Variants in FAM149B1 observed in about 807,000 individuals in gnomAD.
The protein encoded by FAM149B1 is family with sequence similarity 149 member B1, also known as primary cilium assembly protein FAM149B1.
FAM149B1 carries 56 observed loss-of-function variants against 75.3 expected under a neutral mutation model. The ratio of observed to expected loss-of-function variants is 0.74; its 90% CI spans 0.60 to 0.93. The LOEUF is 0.93. Among genes scored for constraint, FAM149B1 ranks in the 40% least tolerant of loss-of-function variants. The probability of loss-of-function intolerance (pLI) is 0.00; values close to 1 mark genes in which losing one functional copy is unlikely to be tolerated. For missense variants in FAM149B1, 639 were observed against 708.4 expected (o/e 0.90, Z 1.11); for synonymous variants, 259 against 256.1 (o/e 1.01, Z -0.11).
At chr10:73,169,962 A>T (rs1304741231) in intron 1 of FAM149B1, among the ~76,000 whole-genome samples, 1 of 151,758 alleles carries the variant, frequency 6.6e-6, no homozygotes, top group South Asian at 2.1e-4. Flanking sequence ...TATTAATTAA[A>T]TATTAACTTT....
At chr10:73,192,126 C>G (rs1296320725) in intron 3 of FAM149B1, 2 of 158,420 alleles carry the variant, frequency 1.3e-5, no homozygotes, top group African/African-American at 4.8e-5. Context: ...TCTTGAACTC[C>G]TGGCCTCAAG....
At chr10:73,210,823 CAAAAAAGAAGAAAA>C (rs1348726777) in intron 7 of FAM149B1, among the ~76,000 whole-genome samples, 1 of 148,874 alleles carries the variant, frequency 6.7e-6, no homozygotes. Flanking sequence ...GACTCTGTCT[CAAAAAAGAAGAAAA>C]AAAAAAGTGG....
Position 73,240,987 on chromosome 10 carries a change from A to C in FAM149B1, c.1717A>C (p.Arg573=). Reference sequence around the variant, plus strand: ...GTCTACAAAATCTCAAAGCGGAGGCAGACCAGTCTCTCGAACCAGGCAGGG... The same window carrying C: ...GTCTACAAAATCTCAAAGCGGAGGCCGACCAGTCTCTCGAACCAGGCAGGG... The part of the protein sequence containing the change: ...HGSTKSQSGG[R]PVSRTRQGP Residue 573 remains arginine (R), a synonymous_variant, in exon 14 of 14, where the codon AGA becomes CGA. Coordinates refer to ENST00000242505, the MANE Select transcript of FAM149B1 (RefSeq NM_173348.2). The C allele has an allele frequency of 6.6e-7, 1 of 1,522,956 alleles. No homozygotes were observed. Among genetic ancestry groups the C allele is most frequent in the Middle Eastern group, 1.7e-4 (1 of 5,922 alleles). The allele number at this position is 1,522,956 out of a possible 1,614,324, so 94.3% of individuals were successfully genotyped here. A position where few individuals can be genotyped will look rare whatever the true frequency, so the allele number is the denominator to read the frequency against.
intron 5 of FAM149B1, among the ~76,000 whole-genome samples, chr10:73,205,564 GT>G (rs1287572655): frequency 1.3e-5 from 2 of 151,356 alleles, no homozygotes; most frequent in African/African-American, 4.9e-5. Flanking sequence ...GTTTTTTTGG[GT>G]TTTTTTGAGA....
chr10:73,214,319 T>C (rs140825427), intron 7 of FAM149B1, among the ~76,000 whole-genome samples: 4 of 152,320 alleles, frequency 2.6e-5, no homozygotes, highest in African/African-American at 7.2e-5. Flanking sequence ...TTCTTTTGCC[T>C]GATTGCTGTG....
Position 73,192,709 on chromosome 10 carries a change from C to T in FAM149B1, c.425+11C>T. On this transcript the variant is annotated intron_variant, in intron 4 of 13. Coordinates refer to ENST00000242505, the MANE Select transcript of FAM149B1 (RefSeq NM_173348.2). ...CTTTCCTCACCTCAGGTACTGAAGC[C>T]CTCCAGTTGACTTGTATTCATGGCT... is the stretch of plus-strand genomic sequence containing the variant. The T allele has an allele frequency of 6.6e-7, 1 of 1,514,478 alleles. No homozygotes were observed. Among genetic ancestry groups the T allele is most frequent in the Non-Finnish European group, 8.8e-7 (1 of 1,135,002 alleles). 93.8% of individuals were successfully genotyped at this position (1,514,478 alleles called of 1,614,324 possible). A position where few individuals can be genotyped will look rare whatever the true frequency, so the allele number is the denominator to read the frequency against.
rs1485764811 is a variant in FAM149B1, at chr10:73,193,459, T to C, written c.426-18T>C. 1 of 1,543,268 alleles carries C rather than the reference T, an allele frequency of 6.5e-7. No homozygotes were observed. Among genetic ancestry groups the C allele is most frequent in the East Asian group, 2.5e-5 (1 of 40,768 alleles). On this transcript the variant is annotated intron_variant, in intron 4 of 13. Transcript: ENST00000242505. ...CAGTGAAGGTACTTAATTGTGTCTG[T>C]GTTTCTTCATTTTGAAGGATTCTAG...
intron 5 of FAM149B1, among the ~76,000 whole-genome samples, chr10:73,203,584 T>C (rs1017910057): frequency 2.6e-5 from 4 of 152,200 alleles, no homozygotes; most frequent in Non-Finnish European, 1.5e-5. Flanking sequence ...AAATCCTCTA[T>C]TTTGAAACAG....
In FAM149B1 at chr10:73,235,283, T is replaced by C. The variant is rs1426771497; in HGVS notation, c.1567T>C (p.Phe523Leu). 2 of 1,551,798 alleles carry C rather than the reference T, an allele frequency of 1.3e-6. No individual in the cohort carries two copies. Among genetic ancestry groups the C allele is most frequent in the African/African-American group, 2.7e-5 (2 of 73,034 alleles). Reference sequence around the variant, plus strand: ...ACAAGAAAGGCTCCTTTTGCCCGACTTTTTCCCCAGGCCCAACACAACTCA... The same window carrying C: ...ACAAGAAAGGCTCCTTTTGCCCGACCTTTTCCCCAGGCCCAACACAACTCA... ...QPQERLLLPDFFPRPNTTQSF... is the reference protein window; with the variant it reads ...QPQERLLLPDLFPRPNTTQSF... Residue 523 changes from phenylalanine (F) to leucine (L), a missense_variant, in exon 12 of 14, where the codon TTT becomes CTT. Transcript: ENST00000242505.
At chr10:73,197,591 G>A (rs1177962304) in intron 5 of FAM149B1, among the ~76,000 whole-genome samples, 3 of 151,838 alleles carry the variant, frequency 2.0e-5, no homozygotes, top group African/African-American at 7.3e-5. Flanking sequence ...CCAACATAGT[G>A]AAACCCCGTC....
At chr10:73,200,486 C>A (rs2042908512) in intron 5 of FAM149B1, 2 of 619,754 alleles carry the variant, frequency 3.2e-6, no homozygotes, top group Admixed American at 2.0e-5. Context: ...GTTGGTACAC[C>A]AGGGAGAATG....
In FAM149B1 at chr10:73,243,974, T is replaced by C; in HGVS notation, c.*2955T>C. 1 of 1,483,778 alleles carries C rather than the reference T, an allele frequency of 6.7e-7. No homozygotes were observed. The highest frequency in any genetic ancestry group is 9.3e-7 in the Non-Finnish European group (1 of 1,070,288). The allele number at this position is 1,483,778 out of a possible 1,614,324, so 91.9% of individuals were successfully genotyped here. A position where few individuals can be genotyped will look rare whatever the true frequency, so the allele number is the denominator to read the frequency against. ...GAGACTCAGGGCCACCAGGAAATGC[T>C]TAAAATACATACTCTTTCCCAAAAG... On this transcript the variant is annotated 3_prime_UTR_variant, in exon 14 of 14. Coordinates refer to ENST00000242505, the MANE Select transcript of FAM149B1 (RefSeq NM_173348.2).
intron 1 of FAM149B1, among the ~76,000 whole-genome samples, chr10:73,174,419 A>C (rs1843849759): frequency 6.6e-6 from 1 of 152,008 alleles, no homozygotes; most frequent in Non-Finnish European, 1.5e-5. Context: ...TTTTAAGAAT[A>C]TATTTTAACA....
intron 3 of FAM149B1, among the ~76,000 whole-genome samples, chr10:73,191,373 G>C (rs1226438264): frequency 1.8e-5 from 2 of 112,602 alleles, no homozygotes; most frequent in African/African-American, 6.9e-5. Flanking sequence ...TTTCATTCTT[G>C]TTGCCCAGGC....
At chr10:73,239,236 T>A in intron 12 of FAM149B1, 76 bp from the exon 13 acceptor site, 1 of 1,263,272 alleles carries the variant, frequency 7.9e-7, no homozygotes, top group Non-Finnish European at 1.1e-6. Context: ...TTTCAAGGTG[T>A]TCCTGTGAAC....
At chr10:73,232,854 A>C (rs1355837768) in intron 9 of FAM149B1, 85 bp from the exon 10 acceptor site, 12 of 788,852 alleles carry the variant, frequency 1.5e-5, no homozygotes, top group Non-Finnish European at 6.4e-6. Context: ...TGTAGTTTCT[A>C]GTCTAAGGCT....
chr10:73,205,676 C>T (rs2043039595), intron 5 of FAM149B1, among the ~76,000 whole-genome samples: 1 of 152,134 alleles, frequency 6.6e-6, no homozygotes, highest in Non-Finnish European at 1.5e-5. Context: ...GCCTTAGCCT[C>T]CTGAGTAGCT....
At chr10:73,208,548 A>G (rs1217906120) in intron 5 of FAM149B1, 71 bp from the exon 6 acceptor site, 1 of 1,153,754 alleles carries the variant, frequency 8.7e-7, no homozygotes, top group Admixed American at 2.7e-5. Flanking sequence ...GCCAAAACTC[A>G]TGTAACTGTG....
chr10:73,199,437 T>C (rs2042883052), intron 5 of FAM149B1, among the ~76,000 whole-genome samples: 1 of 152,160 alleles, frequency 6.6e-6, no homozygotes, highest in Non-Finnish European at 1.5e-5. Context: ...CAGGATGGTC[T>C]CGATCTCCTG....
Sources: gnomAD v4.1 joint callset for allele counts (sites outside exome capture counted in the v4.1 genomes callset) on GRCh38, gnomAD v4.1.1 for gene constraint, MANE v1.5 for transcripts, NCBI Gene and HGNC (gene_info 2026-07-23, HGNC 2026-07-21) for gene names.